ATAD1: variants seen among roughly 807,000 people sequenced by gnomAD.
The protein encoded by ATAD1 is ATPase family AAA domain containing 1.
A neutral mutation model predicts 42.7 loss-of-function variants in ATAD1; 18 were observed. The observed-to-expected ratio is 0.42, with a 90% CI of 0.29 to 0.63. The LOEUF (loss-of-function observed/expected upper bound fraction) is 0.63. Ranked by LOEUF, ATAD1 falls within the 20% of genes least tolerant of loss-of-function variation. The probability of loss-of-function intolerance (pLI) is 0.19; values close to 1 mark genes in which losing one functional copy is unlikely to be tolerated. For missense variants in ATAD1, 294 were observed against 440.4 expected, an observed-to-expected ratio of 0.67 and a Z score of 2.98; for synonymous variants, 132 against 143.1, an observed-to-expected ratio of 0.92 and a Z score of 0.55.
intron 8 of ATAD1, among the ~76,000 whole-genome samples, chr10:87,761,631 T>C (rs1276318768): frequency 6.6e-6 from 1 of 152,030 alleles, no homozygotes; most frequent in Admixed American, 6.6e-5. Flanking sequence ...CACTCTAGCC[T>C]GGGTGACAAA....
At chr10:87,807,486 C>T (rs1304764852) in intron 2 of ATAD1, among the ~76,000 whole-genome samples, 1 of 152,202 alleles carries the variant, frequency 6.6e-6, no homozygotes, top group Non-Finnish European at 1.5e-5. Context: ...TACAACCTGG[C>T]AGGGGTGAAA....
At chr10:87,790,979 T>C (rs1478110443) in intron 3 of ATAD1, among the ~76,000 whole-genome samples, 5 of 142,120 alleles carry the variant, frequency 3.5e-5, no homozygotes, top group Non-Finnish European at 6.0e-5. Context: ...AGGTCAGGAG[T>C]TCGGGACCAG....
chr10:87,776,025 T>A (rs1455538391), intron 6 of ATAD1, among the ~76,000 whole-genome samples: 1 of 152,188 alleles, frequency 6.6e-6, no homozygotes, highest in African/African-American at 2.4e-5. Context: ...AGTCACTTCC[T>A]CTCCTTAGCA....
At chr10:87,804,131 G>A (rs1200846335) in intron 2 of ATAD1, among the ~76,000 whole-genome samples, 2 of 152,300 alleles carry the variant, frequency 1.3e-5, no homozygotes, top group Non-Finnish European at 2.9e-5. Flanking sequence ...GCAGTTGAGA[G>A]TTCCAAGTTT....
In ATAD1 at chr10:87,770,408, A is replaced by C. The variant is rs552765370; in HGVS notation, c.780+544T>G. Among the ~76,000 whole-genome samples the C allele has an allele frequency of 2.0e-5, 3 of 152,320 alleles. No homozygotes were observed. The South Asian group carries it at 6.2e-4, about 32-fold the overall frequency. Reference sequence around the variant, plus strand: ...ATCATCTACTAGAGGGGTACTTTTTAACTAACAAAAAATGCTAGAAAGAAG... The same window carrying C: ...ATCATCTACTAGAGGGGTACTTTTTCACTAACAAAAAATGCTAGAAAGAAG... On this transcript the variant is annotated intron_variant, in intron 7 of 9. Coordinates refer to ENST00000680024, the MANE Select transcript of ATAD1 (RefSeq NM_001321967.2).
intron 2 of ATAD1, among the ~76,000 whole-genome samples, chr10:87,801,121 T>A (rs1243736604): frequency 6.6e-6 from 1 of 152,200 alleles, no homozygotes; most frequent in Non-Finnish European, 1.5e-5. Context: ...TATAAACTTT[T>A]AAAAATAAAT....
intron 5 of ATAD1, among the ~76,000 whole-genome samples, chr10:87,783,373 A>G (rs1472568023): frequency 1.3e-5 from 2 of 151,912 alleles, no homozygotes; most frequent in Non-Finnish European, 2.9e-5. Flanking sequence ...TGCTGTCTTA[A>G]AAAAAAACAA....
rs76436747 is a variant in ATAD1 at position 87,798,139 on chromosome 10, T to A, written c.163-5384A>T. Reference sequence around the variant, plus strand: ...ATGTTTTGAGCCCTCTCAGAGGTCATGGACCTCTGGAGAGAGAAACCAAGA... The same window carrying A: ...ATGTTTTGAGCCCTCTCAGAGGTCAAGGACCTCTGGAGAGAGAAACCAAGA... On this transcript the variant is annotated intron_variant, in intron 2 of 9. Transcript: ENST00000680024. Among the ~76,000 whole-genome samples, 24 of 152,280 alleles carry A rather than the reference T, an allele frequency of 1.6e-4. No individual in the cohort carries two copies. In the East Asian group the frequency reaches 4.6e-3, roughly 29 times the overall value.
At chr10:87,773,491 A>G (rs1855147807) in intron 6 of ATAD1, among the ~76,000 whole-genome samples, 1 of 152,234 alleles carries the variant, frequency 6.6e-6, no homozygotes, top group Non-Finnish European at 1.5e-5. Flanking sequence ...TGAAAGTAGA[A>G]TATGTCTAAA....
At chr10:87,827,797 A>G (rs2132104925) in intron 1 of ATAD1, among the ~76,000 whole-genome samples, 1 of 152,360 alleles carries the variant, frequency 6.6e-6, no homozygotes, top group African/African-American at 2.4e-5. Flanking sequence ...TTTAAGTGAA[A>G]GGAAGAGTCA....
intron 2 of ATAD1, among the ~76,000 whole-genome samples, chr10:87,805,843 A>T (rs560549798): frequency 1.3e-5 from 2 of 151,544 alleles, no homozygotes; most frequent in African/African-American, 4.8e-5. Flanking sequence ...TGCTGCCTCC[A>T]CCAAATGGAA....
Position 87,818,166 on chromosome 10 carries a change from C to G in ATAD1, c.-14+1G>C, listed in dbSNP as rs1589566872. ...AGGCCCCACGGGAACCAGCTACTCA[C>G]CCAGGGGCAGAAACAGCAAGAGCAA... is the stretch of plus-strand genomic sequence containing the variant. On this transcript the variant is annotated splice_donor_variant, in intron 1 of 9. Transcript: ENST00000680024. LOFTEE classifies it low-confidence loss of function (5UTR_SPLICE). 20 of 985,678 alleles carry G rather than the reference C, an allele frequency of 2.0e-5. No individual in the cohort carries two copies. The highest frequency in any genetic ancestry group is 2.2e-5 in the Non-Finnish European group (18 of 830,094). The allele number at this position is 985,678 out of a possible 1,614,324, so 61.1% of individuals were successfully genotyped here.
chr10:87,769,106 T>C (rs1854907300), intron 7 of ATAD1, among the ~76,000 whole-genome samples: 1 of 152,188 alleles, frequency 6.6e-6, no homozygotes, highest in South Asian at 2.1e-4. Flanking sequence ...CCCTTAATTG[T>C]CCATTGTACT....
At position 87,776,398 on chromosome 10, in the gene ATAD1, C is replaced by A; in HGVS notation, c.613G>T (p.Asp205Tyr). 1 of 1,613,726 alleles carries A rather than the reference C, an allele frequency of 6.2e-7. No homozygotes were observed. The highest frequency in any genetic ancestry group is 1.1e-5 in the South Asian group (1 of 91,032). Residue 205 changes from aspartate (D) to tyrosine (Y), a missense_variant, in exon 6 of 10, where the codon GAC (aspartate) becomes TAC (tyrosine). Asp to Tyr is a radical substitution (Grantham distance 160). Transcript: ENST00000680024. ...DSFLRNRSSS[D>Y]HEATAMMKAQ... is the part of the protein sequence containing the mutation. ...TTCATCATGGCTGTAGCTTCATGGT[C>A]AGAACTTGAACGGTTTCGTAGAAAG...
At chr10:87,766,769 C>T (rs1288578657) in intron 8 of ATAD1, among the ~76,000 whole-genome samples, 1 of 151,630 alleles carries the variant, frequency 6.6e-6, no homozygotes, top group East Asian at 1.9e-4. Flanking sequence ...CGAGATCGTG[C>T]CACTGCAATC....
At chr10:87,773,070 C>T (rs531531843) in intron 6 of ATAD1, among the ~76,000 whole-genome samples, 2 of 152,124 alleles carry the variant, frequency 1.3e-5, no homozygotes, top group Admixed American at 1.3e-4. Flanking sequence ...GGCTTAATAC[C>T]TGGGTATGAA....
intron 4 of ATAD1, among the ~76,000 whole-genome samples, chr10:87,788,560 A>G (rs1284105820): frequency 6.6e-6 from 1 of 152,238 alleles, no homozygotes; most frequent in African/African-American, 2.4e-5. Flanking sequence ...GCAAATTTAC[A>G]TATAACTTTT....
intron 2 of ATAD1, among the ~76,000 whole-genome samples, chr10:87,801,074 A>C (rs896891485): frequency 3.3e-5 from 5 of 152,236 alleles, no homozygotes; most frequent in Non-Finnish European, 2.9e-5. Flanking sequence ...TAAGGAAGTT[A>C]TATCTTATGG....
upstream of ATAD1, among the ~76,000 whole-genome samples, chr10:87,821,374 AT>A (rs1857628858): frequency 6.6e-6 from 1 of 151,900 alleles, no homozygotes; most frequent in Admixed American, 6.6e-5. Flanking sequence ...CTAAAAAAAA[AT>A]ACAAAAATTA....
Sources: gnomAD v4.1 joint callset for allele counts (sites outside exome capture counted in the v4.1 genomes callset) on GRCh38, gnomAD v4.1.1 for gene constraint, MANE v1.5 for transcripts, NCBI Gene and HGNC (gene_info 2026-07-23, HGNC 2026-07-21) for gene names.